The following GALNT7 variants were observed in gnomAD, a reference collection of about 807,000 sequenced individuals.
The protein encoded by GALNT7 is N-acetylgalactosaminyltransferase 7.
Under a neutral mutation model 82.1 loss-of-function variants are expected in GALNT7, and 60 were observed. That is an observed-to-expected ratio of 0.73 (90% CI 0.59 to 0.91). GALNT7 has a LOEUF of 0.91. Among genes scored for constraint, GALNT7 ranks in the 40% least tolerant of loss-of-function variants. GALNT7 has a pLI of 0.00. For synonymous variants in GALNT7, 243 were observed against 275.1 expected, an observed-to-expected ratio of 0.88 and a Z score of 1.15; for missense variants, 660 against 804.2, an observed-to-expected ratio of 0.82 and a Z score of 2.17.
At chr4:173,303,030 AC>A (rs1230141601) in intron 7 of GALNT7, among the ~76,000 whole-genome samples, 28 of 151,764 alleles carry the variant, frequency 1.8e-4, no homozygotes, top group African/African-American at 6.8e-4. Context: ...CCCCATCTCT[AC>A]TAAAATACAA....
chr4:173,211,029 A>G (rs530051352), intron 1 of GALNT7, among the ~76,000 whole-genome samples: 1 of 152,270 alleles, frequency 6.6e-6, no homozygotes, highest in South Asian at 2.1e-4. Context: ...GAGATGCCTT[A>G]CATTCTTTTT....
chr4:173,215,270 G>A (rs1395461068), intron 1 of GALNT7, among the ~76,000 whole-genome samples: 12 of 144,154 alleles, frequency 8.3e-5, no homozygotes, highest in East Asian at 2.0e-4. Flanking sequence ...TTGTTCTGTC[G>A]CCCAGGCTGG....
At chr4:173,173,962 G>T (rs1731957056) in intron 1 of GALNT7, among the ~76,000 whole-genome samples, 1 of 152,174 alleles carries the variant, frequency 6.6e-6, no homozygotes, top group Non-Finnish European at 1.5e-5. Context: ...ATGATCAGTT[G>T]TAACCTGAAA....
chr4:173,234,905 C>G (rs1230553622), intron 1 of GALNT7, among the ~76,000 whole-genome samples: 1 of 152,220 alleles, frequency 6.6e-6, no homozygotes, highest in Non-Finnish European at 1.5e-5. Context: ...CCCTTCCCTA[C>G]TGCCATGCAT....
intron 1 of GALNT7, among the ~76,000 whole-genome samples, chr4:173,178,052 T>TGTGTGTGTGTGTGTGC (rs563102408): frequency 7.7e-6 from 1 of 129,510 alleles, no homozygotes; most frequent in African/African-American, 3.1e-5. Context: ...TGTGTGTGTG[T>TGTGTGTGTGTGTGTGC]GCGCGCACGC....
intron 6 of GALNT7, among the ~76,000 whole-genome samples, chr4:173,301,679 A>T (rs1736942656): frequency 6.6e-6 from 1 of 152,252 alleles, no homozygotes; most frequent in South Asian, 2.1e-4. Flanking sequence ...ATGCAGGAGC[A>T]GTTAGCAGAC....
At chr4:173,309,071 C>T (rs902130424) in intron 8 of GALNT7, among the ~76,000 whole-genome samples, 2 of 151,910 alleles carry the variant, frequency 1.3e-5, no homozygotes, top group Non-Finnish European at 2.9e-5. Flanking sequence ...AACTCATGAA[C>T]CTGCAGAAAA....
At chr4:173,238,973 A>G (rs902002930) in intron 1 of GALNT7, among the ~76,000 whole-genome samples, 3 of 152,122 alleles carry the variant, frequency 2.0e-5, no homozygotes, top group African/African-American at 7.2e-5. Context: ...TGGTCCTTTA[A>G]TTACTTGCTT....
intron 9 of GALNT7, among the ~76,000 whole-genome samples, 173 bp downstream of exon 9, chr4:173,314,349 C>G (rs997576223): frequency 6.6e-6 from 1 of 152,192 alleles, no homozygotes; most frequent in Non-Finnish European, 1.5e-5. Context: ...ACCAGCTGGC[C>G]ACCATGCTGT....
chr4:173,267,550 G>A (rs1015421330), intron 2 of GALNT7, among the ~76,000 whole-genome samples: 1 of 152,124 alleles, frequency 6.6e-6, no homozygotes, highest in African/African-American at 2.4e-5. Context: ...GGCACAGCAG[G>A]GGGACCAGCT....
intron 2 of GALNT7, among the ~76,000 whole-genome samples, chr4:173,250,338 AATATAAAT>A (rs1272092476): frequency 6.6e-6 from 1 of 152,220 alleles, no homozygotes; most frequent in Non-Finnish European, 1.5e-5. Flanking sequence ...TTAAAACACC[AATATAAAT>A]ATAGCTAACT....
chr4:173,277,055 T>A (rs189467612), intron 2 of GALNT7, among the ~76,000 whole-genome samples: 1 of 151,960 alleles, frequency 6.6e-6, no homozygotes, highest in Non-Finnish European at 1.5e-5. Flanking sequence ...GATTGATTGA[T>A]TAAAACTTAG....
At position 173,224,844 on chromosome 4, in the gene GALNT7, C is replaced by A. The variant is rs551393731; in HGVS notation, c.127-23136C>A. Among the ~76,000 whole-genome samples, 17 of 151,536 alleles carry A rather than the reference C, an allele frequency of 1.1e-4. No individual in the cohort carries two copies. In the South Asian group the frequency reaches 2.9e-3, roughly 26 times the overall value. ...TGGCTAACACGGTGAAACCCCGTCT[C>A]TACTAAAAATTAAAAAAAAAATTAG... is the stretch of plus-strand genomic sequence containing the variant. On this transcript the variant is annotated intron_variant, in intron 1 of 11. Transcript: ENST00000265000.
chr4:173,266,556 AG>A (rs1214441397), intron 2 of GALNT7, among the ~76,000 whole-genome samples: 1 of 152,210 alleles, frequency 6.6e-6, no homozygotes. Context: ...ATTTTTACTT[AG>A]GAGCAAAAGA....
chr4:173,246,821 G>A (rs1734651818), intron 1 of GALNT7, among the ~76,000 whole-genome samples: 1 of 152,158 alleles, frequency 6.6e-6, no homozygotes, highest in Admixed American at 6.5e-5. Flanking sequence ...GTCGGGTGGT[G>A]CTAATTCTAT....
chr4:173,297,875 A>T, intron 5 of GALNT7: 1 of 1,508,044 alleles, frequency 6.6e-7, no homozygotes. Context: ...GGGGATGAAG[A>T]TGGTTTTGCC....
At chr4:173,180,547 C>A (rs188011170) in intron 1 of GALNT7, among the ~76,000 whole-genome samples, 1 of 152,084 alleles carries the variant, frequency 6.6e-6, no homozygotes, top group Non-Finnish European at 1.5e-5. Flanking sequence ...AGACTGGTCT[C>A]GAACTTCTGA....
intron 8 of GALNT7, among the ~76,000 whole-genome samples, chr4:173,312,348 G>A (rs576714490): frequency 1.1e-3 from 163 of 152,348 alleles, no homozygotes; most frequent in Non-Finnish European, 2.1e-3. Context: ...TTCAGCTCAT[G>A]ATGGGAAGCA....
At chr4:173,227,495 C>T (rs545976475) in intron 1 of GALNT7, among the ~76,000 whole-genome samples, 7 of 152,310 alleles carry the variant, frequency 4.6e-5, no homozygotes, top group Admixed American at 3.3e-4. Flanking sequence ...CCACACCTGG[C>T]TAATTTTTTT....
Sources: gnomAD v4.1 joint callset for allele counts (sites outside exome capture counted in the v4.1 genomes callset) on GRCh38, gnomAD v4.1.1 for gene constraint, MANE v1.5 for transcripts, NCBI Gene and HGNC (gene_info 2026-07-23, HGNC 2026-07-21) for gene names.